The following PIK3AP1 variants were observed in gnomAD, a reference collection of about 807,000 sequenced individuals.
PIK3AP1 encodes phosphoinositide-3-kinase adaptor protein 1, also known as phosphoinositide 3-kinase adapter protein 1.
A neutral mutation model predicts 88.1 loss-of-function variants in PIK3AP1; 21 were observed. The ratio of observed to expected loss-of-function variants is 0.24; its 90% CI spans 0.17 to 0.34. The LOEUF (loss-of-function observed/expected upper bound fraction) is 0.34, where lower values mean the gene tolerates loss of function less well. Ranked by LOEUF, PIK3AP1 falls within the 10% of genes least tolerant of loss-of-function variation. The pLI, the probability that PIK3AP1 is intolerant of heterozygous loss-of-function variation, is 1.00. For missense variants in PIK3AP1, 828 were observed against 1,035.7 expected (o/e 0.80, Z 2.75); for synonymous variants, 398 against 400.0 (o/e 1.00, Z 0.06).
chr10:96,660,966 C>T (rs1243753468), intron 2 of PIK3AP1, among the ~76,000 whole-genome samples: 1 of 152,286 alleles, frequency 6.6e-6, no homozygotes, highest in African/African-American at 2.4e-5. Context: ...AGTTGGATCA[C>T]CTGAGGTCAG....
Position 96,620,431 on chromosome 10 carries a change from T to C in PIK3AP1, c.1862A>G (p.Asn621Ser), listed in dbSNP as rs1843060577. The C allele has an allele frequency of 6.2e-7, 1 of 1,614,082 alleles. No homozygotes were observed. Among genetic ancestry groups the C allele is most frequent in the Admixed American group, 1.7e-5 (1 of 60,008 alleles). ...GAAGTGGAGCACAGCCTCATCCACG[T>C]TGACAATGCCCAGCTTCACCTGCTC... ...LQEQVKLGIV[N>S]VDEAVLHFKE... The change falls in exon 12 of 17, where the codon AAC becomes AGC. Residue 621 changes from asparagine to serine, a missense_variant. Transcript: ENST00000339364.
chr10:96,692,772 T>G (rs944804283), intron 2 of PIK3AP1, among the ~76,000 whole-genome samples: 3 of 152,218 alleles, frequency 2.0e-5, no homozygotes, highest in African/African-American at 7.2e-5. Context: ...AGCCTATAGC[T>G]GAAATTATAA....
At chr10:96,682,197 G>A (rs974784782) in intron 2 of PIK3AP1, among the ~76,000 whole-genome samples, 1 of 152,090 alleles carries the variant, frequency 6.6e-6, no homozygotes, top group African/African-American at 2.4e-5. Context: ...TTAACTTAAG[G>A]GGCAAAGCCT....
chr10:96,615,870 G>A (rs1849206967), intron 13 of PIK3AP1, among the ~76,000 whole-genome samples: 1 of 152,100 alleles, frequency 6.6e-6, no homozygotes, highest in South Asian at 2.1e-4. Flanking sequence ...GACCGTGGAA[G>A]CTGTGCACAA....
At chr10:96,596,116 A>G (rs1263812890) in intron 16 of PIK3AP1, among the ~76,000 whole-genome samples, 3 of 152,158 alleles carry the variant, frequency 2.0e-5, no homozygotes, top group Non-Finnish European at 4.4e-5. Flanking sequence ...GTCCAGATGC[A>G]TGCCCCAACC....
intron 7 of PIK3AP1, among the ~76,000 whole-genome samples, chr10:96,647,169 T>TG (rs1272785990): frequency 6.6e-6 from 1 of 152,224 alleles, no homozygotes; most frequent in Non-Finnish European, 1.5e-5. Context: ...TGACCTAGAT[T>TG]GACTTCGGCA....
intron 14 of PIK3AP1, among the ~76,000 whole-genome samples, chr10:96,606,084 A>AAC (rs1245226480): frequency 5.3e-5 from 8 of 150,508 alleles, no homozygotes; most frequent in Non-Finnish European, 1.0e-4. Context: ...CTCCGTCTCA[A>AAC]AAACAAAAAC....
rs751280164 is a variant in PIK3AP1 at position 96,628,499 on chromosome 10, A to C, written c.1376-6T>G. 2 of 1,598,298 alleles carry C rather than the reference A, an allele frequency of 1.3e-6. No individual in the cohort carries two copies. Among genetic ancestry groups the C allele is most frequent in the Non-Finnish European group, 1.7e-6 (2 of 1,165,650 alleles). ...GGCCTGAAGCATTTCAACATCTAGA[A>C]GGAAAAGGAGACTAAGAGTTATATA... On this transcript the variant is annotated splice_polypyrimidine_tract_variant and splice_region_variant and intron_variant, in intron 8 of 16. Transcript: ENST00000339364.
At chr10:96,702,614 CCACACACACACACA>C (rs3035892) in intron 2 of PIK3AP1, among the ~76,000 whole-genome samples, 2 of 145,080 alleles carry the variant, frequency 1.4e-5, no homozygotes, top group African/African-American at 2.5e-5. Context: ...AGTGTTCTCA[CCACACACACACACA>C]CACACACACA....
chr10:96,613,003 T>A (rs1250079202), intron 13 of PIK3AP1, among the ~76,000 whole-genome samples: 10 of 54,162 alleles, frequency 1.8e-4, no homozygotes, highest in African/African-American at 5.4e-4. Flanking sequence ...TTTTTTTTTT[T>A]TTTTTTTTTT....
intron 13 of PIK3AP1, among the ~76,000 whole-genome samples, chr10:96,612,383 C>A (rs1849128819): frequency 6.6e-6 from 1 of 152,166 alleles, no homozygotes; most frequent in South Asian, 2.1e-4. Context: ...ATTTTTAATT[C>A]TCTTTGGCAT....
intron 2 of PIK3AP1, among the ~76,000 whole-genome samples, chr10:96,700,010 C>CGAT (rs1844274491): frequency 6.6e-6 from 1 of 152,066 alleles, no homozygotes; most frequent in African/African-American, 2.4e-5. Context: ...AGAAATTGAC[C>CGAT]GATAAAATTC....
At chr10:96,617,721 C>A (rs1353922463) in intron 12 of PIK3AP1, among the ~76,000 whole-genome samples, 1 of 152,136 alleles carries the variant, frequency 6.6e-6, no homozygotes, top group Non-Finnish European at 1.5e-5. Context: ...ACACCGCTGA[C>A]TGGGTGAGCG....
chr10:96,632,799 G>A (rs1016347816), intron 8 of PIK3AP1: 4 of 1,515,358 alleles, frequency 2.6e-6, no homozygotes, highest in Non-Finnish European at 3.6e-6. Context: ...TTCCAATTGT[G>A]TTTTTCCCAC....
intron 8 of PIK3AP1, among the ~76,000 whole-genome samples, chr10:96,643,905 C>T (rs1286381807): frequency 2.6e-5 from 4 of 152,224 alleles, no homozygotes; most frequent in African/African-American, 9.6e-5. Context: ...TTGGTTGATA[C>T]TTCTCTTCCT....
chr10:96,701,309 G>A (rs1379643421), intron 2 of PIK3AP1, among the ~76,000 whole-genome samples: 1 of 152,198 alleles, frequency 6.6e-6, no homozygotes, highest in Non-Finnish European at 1.5e-5. Context: ...GGAGGGTGGA[G>A]AGGAAAGACT....
In PIK3AP1 at chr10:96,609,778, C is replaced by T. The variant is rs1272590196; in HGVS notation, c.2104G>A (p.Val702Ile). The T allele has an allele frequency of 4.3e-6, 7 of 1,614,056 alleles. No individual in the cohort carries two copies. The highest frequency in any genetic ancestry group is 1.1e-5 in the South Asian group (1 of 91,092). The change falls in exon 14 of 17, where the codon GTC becomes ATC. Residue 702 changes from valine to isoleucine, a missense_variant. Transcript: ENST00000339364. ...GVYESGPRKS[V>I]IPPRTELRRG... Reference sequence around the variant, plus strand: ...CTCAGCTCCGTCCTAGGGGGAATGACACTTTTCCTGGGGCCACTCTCATAG... The same window carrying T: ...CTCAGCTCCGTCCTAGGGGGAATGATACTTTTCCTGGGGCCACTCTCATAG...
rs116423477 is a variant in PIK3AP1, at chr10:96,680,249, C to T, written c.431-23315G>A. 3.1e-3 allele frequency among the ~76,000 whole-genome samples: 473 copies of T among 152,072 alleles called. 1 individual carries two copies. The highest frequency in any genetic ancestry group is 0.011 in the African/African-American group (457 of 41,498). On this transcript the variant is annotated intron_variant, in intron 2 of 16. Transcript: ENST00000339364. The stretch of plus-strand genomic sequence containing the variant: ...TATTCTAGGACAAAGGAGCCATTCT[C>T]TTATTAAGGTAGCTTAATACTGTGG...
chr10:96,670,317 A>G (rs558338719), intron 2 of PIK3AP1, among the ~76,000 whole-genome samples: 423 of 152,286 alleles, frequency 2.8e-3, no homozygotes, highest in Non-Finnish European at 3.6e-3. Flanking sequence ...AAAAGGCATG[A>G]TATTTTCTAT....
Sources: allele counts gnomAD v4.1 joint callset (sites outside exome capture counted in the v4.1 genomes callset), GRCh38; gene constraint gnomAD v4.1.1; transcripts MANE v1.5; gene names NCBI Gene and HGNC (gene_info 2026-07-23, HGNC 2026-07-21).